ARSF: variants seen among roughly 807,000 people sequenced by gnomAD.
ARSF encodes arylsulfatase F.
Under a neutral mutation model 35.4 loss-of-function variants are expected in ARSF, and 33 were observed. The observed-to-expected ratio is 0.93, with a 90% CI of 0.71 to 1.25. The LOEUF is 1.25. Ranked by LOEUF, ARSF falls within the 50% of genes most tolerant of loss-of-function variation. ARSF has a pLI of 0.00. For missense variants in ARSF, 501 were observed against 480.2 expected (o/e 1.04, Z -0.40); for synonymous variants, 222 against 193.1 (o/e 1.15, Z -1.24).
intron 10 of ARSF, among the ~76,000 whole-genome samples, chrX:3,111,341 G>A (rs2090444048): frequency 9.0e-6 from 1 of 111,520 alleles, no homozygotes; most frequent in Admixed American, 9.6e-5. Context: ...TTTTTAAAAA[G>A]TGGCACACAT....
chrX:3,045,443 T>C (rs1174428072), intron 1 of ARSF, among the ~76,000 whole-genome samples: 5 of 111,345 alleles, frequency 4.5e-5, no homozygotes, highest in African/African-American at 1.6e-4. Flanking sequence ...GTGTATGATT[T>C]ACATAGGACG....
At chrX:3,046,226 A>G (rs1433134432) in intron 1 of ARSF, among the ~76,000 whole-genome samples, 1 of 111,567 alleles carries the variant, frequency 9.0e-6, no homozygotes, top group Non-Finnish European at 1.9e-5. Context: ...AGAAAAGGGA[A>G]GACGGAGCCT....
At chrX:3,086,195 T>A (rs1323900576) in intron 6 of ARSF, among the ~76,000 whole-genome samples, 1 of 111,657 alleles carries the variant, frequency 9.0e-6, no homozygotes, top group Admixed American at 9.6e-5. Context: ...CACCAACCAC[T>A]CTGAAAGTAT....
At chrX:3,079,991 A>AAAAAAAG (rs2090186615) in intron 4 of ARSF, among the ~76,000 whole-genome samples, 1 of 96,840 alleles carries the variant, frequency 1.0e-5, no homozygotes, top group Non-Finnish European at 2.1e-5. Context: ...AAAAAAAAAA[A>AAAAAAAG]AGAGAGAGAG....
At chrX:3,102,382 G>A (rs772772721) in intron 8 of ARSF, among the ~76,000 whole-genome samples, 1 of 111,838 alleles carries the variant, frequency 8.9e-6, no homozygotes, top group Non-Finnish European at 1.9e-5. Context: ...CAGGCTGTTT[G>A]GTTTTCCATT....
intron 1 of ARSF, among the ~76,000 whole-genome samples, chrX:3,053,549 C>G (rs1398255080): frequency 9.2e-6 from 1 of 109,235 alleles, no homozygotes; most frequent in African/African-American, 3.3e-5. Context: ...AAGCTATTAC[C>G]CTGCAGCATC....
intron 8 of ARSF, among the ~76,000 whole-genome samples, chrX:3,102,232 C>G (rs997609868): frequency 9.0e-6 from 1 of 111,488 alleles, no homozygotes; most frequent in Non-Finnish European, 1.9e-5. Context: ...GCACCGTCAT[C>G]TGAGCATGTA....
chrX:3,046,722 G>T (rs2089976899), intron 1 of ARSF, among the ~76,000 whole-genome samples: 1 of 111,635 alleles, frequency 9.0e-6, no homozygotes, highest in South Asian at 3.7e-4. Context: ...CTCAGATCAG[G>T]CCAGTGACCT....
At chrX:3,046,129 G>A (rs751790179) in intron 1 of ARSF, among the ~76,000 whole-genome samples, 4 of 111,070 alleles carry the variant, frequency 3.6e-5, no homozygotes, top group Non-Finnish European at 5.7e-5. Flanking sequence ...CAGATGATCC[G>A]CCCGCCTCGG....
In ARSF at chrX:3,092,829, G is replaced by A. The variant is rs536459513; in HGVS notation, c.967+3197G>A. On this transcript the variant is annotated intron_variant, in intron 7 of 10. Coordinates refer to ENST00000381127, the MANE Select transcript of ARSF (RefSeq NM_001201539.2). ...AATTGTTGCTTTTCTTATTAGAAAA[G>A]TTGATTTGTGGCCATTCCTGGTAGA... 8.0e-5 allele frequency among the ~76,000 whole-genome samples: 9 copies of A among 112,408 alleles called. No individual in the cohort carries two copies. In the South Asian group the frequency reaches 2.9e-3, roughly 37 times the overall value.
rs141738015 is a variant in ARSF at position 3,101,263 on chromosome X, G to A, written c.1102+42G>A. ...ATGCAAGTGATCTGGTGGTGAATAAGCTTTTTTGTGGTTCTTATAATTAAA... is the reference window on the plus strand; with the variant it reads ...ATGCAAGTGATCTGGTGGTGAATAAACTTTTTTGTGGTTCTTATAATTAAA... On this transcript the variant is annotated intron_variant, in intron 8 of 10. Coordinates refer to ENST00000381127, the MANE Select transcript of ARSF (RefSeq NM_001201539.2). 1.3e-3 allele frequency: 1,538 copies of A among 1,174,723 alleles called. 5 individuals carry two copies. The African/African-American group carries it at 0.023, about 17-fold the overall frequency.
At position 3,080,946 on chromosome X, in the gene ARSF, C is replaced by T. The variant is rs1380661487; in HGVS notation, c.339C>T (p.Gly113=). The change falls in exon 5 of 11, where the codon GGC becomes GGT. Residue 113 remains glycine, a synonymous_variant. Coordinates refer to ENST00000381127, the MANE Select transcript of ARSF (RefSeq NM_001201539.2). ...RVIQNLAVPA[G]LPLNETTLAA... is the part of the protein sequence containing the mutation. ...TCCAAAATCTTGCAGTCCCCGCAGG[C>T]CTCCCTCTTAATGAGACAACACTTG... is the stretch of plus-strand genomic sequence containing the variant. The T allele has an allele frequency of 8.3e-6, 10 of 1,211,550 alleles. No homozygotes were observed. Among genetic ancestry groups the T allele is most frequent in the Non-Finnish European group, 7.8e-6 (7 of 895,282 alleles).
At chrX:3,053,850 C>A (rs1185332427) in intron 1 of ARSF, among the ~76,000 whole-genome samples, 1 of 106,894 alleles carries the variant, frequency 9.4e-6, no homozygotes, top group African/African-American at 3.4e-5. Flanking sequence ...CAACCTCCAC[C>A]TCCCAGGTTC....
At chrX:3,087,812 A>T (rs1359604647) in intron 6 of ARSF, among the ~76,000 whole-genome samples, 1 of 110,242 alleles carries the variant, frequency 9.1e-6, no homozygotes, top group Non-Finnish European at 1.9e-5. Context: ...TCCTATAGGG[A>T]CAACATTATT....
chrX:3,093,448 G>T (rs966295156), intron 7 of ARSF, among the ~76,000 whole-genome samples: 2 of 110,922 alleles, frequency 1.8e-5, no homozygotes, highest in Admixed American at 9.6e-5. Flanking sequence ...AGTGTCTATT[G>T]TTCCCATCTT....
intron 1 of ARSF, among the ~76,000 whole-genome samples, chrX:3,052,273 A>C (rs1701038039): frequency 8.9e-6 from 1 of 111,998 alleles, no homozygotes; most frequent in Admixed American, 9.6e-5. Flanking sequence ...CATTCATTTT[A>C]GTTTTCAGCA....
chrX:3,049,812 C>T (rs2089989658), intron 1 of ARSF, among the ~76,000 whole-genome samples: 1 of 111,156 alleles, frequency 9.0e-6, no homozygotes, highest in South Asian at 3.8e-4. Flanking sequence ...AGTCAAAGGG[C>T]TCATGCCAGA....
At chrX:3,083,575 TCTGC>T (rs2090221272) in intron 5 of ARSF, among the ~76,000 whole-genome samples, 2 of 110,985 alleles carry the variant, frequency 1.8e-5, no homozygotes, top group South Asian at 7.7e-4. Flanking sequence ...CTATCATCTA[TCTGC>T]CTATCTTTCT....
Position 3,110,119 on chromosome X carries a change from T to A in ARSF, c.1266-9T>A. 1 of 1,170,181 alleles carries A rather than the reference T, an allele frequency of 8.5e-7. No individual in the cohort carries two copies. Among genetic ancestry groups the A allele is most frequent in the Non-Finnish European group, 1.1e-6 (1 of 873,827 alleles). On this transcript the variant is annotated splice_polypyrimidine_tract_variant and intron_variant, in intron 9 of 10. Transcript: ENST00000381127. ...ATTTTCCTTATCTGCACTGTCTGTGTCTCTGCAGGGTCATTGACGGCCGAG... is the reference window on the plus strand; with the variant it reads ...ATTTTCCTTATCTGCACTGTCTGTGACTCTGCAGGGTCATTGACGGCCGAG...
Sources: gnomAD v4.1 joint callset for allele counts (sites outside exome capture counted in the v4.1 genomes callset) on GRCh38, gnomAD v4.1.1 for gene constraint, MANE v1.5 for transcripts, NCBI Gene and HGNC (gene_info 2026-07-23, HGNC 2026-07-21) for gene names.